Variants in PPP2R2B observed in about 807,000 individuals in gnomAD.
The protein encoded by PPP2R2B is serine/threonine-protein phosphatase 2A 55 kDa regulatory subunit B beta isoform.
PPP2R2B carries 5 observed loss-of-function variants against 46.0 expected under a neutral mutation model. The observed-to-expected ratio is 0.11, with a 90% CI of 0.06 to 0.23. The LOEUF (loss-of-function observed/expected upper bound fraction) is 0.23. Ranked by LOEUF, PPP2R2B falls within the 10% of genes least tolerant of loss-of-function variation. PPP2R2B has a pLI of 1.00. For synonymous variants in PPP2R2B, 215 were observed against 206.7 expected, an observed-to-expected ratio of 1.04 and a Z score of -0.34; for missense variants, 367 against 575.0, an observed-to-expected ratio of 0.64 and a Z score of 3.70.
At chr5:146,592,323 A>G (rs1056191598) in intron 9 of PPP2R2B, 4 of 217,274 alleles carry the variant, frequency 1.8e-5, no homozygotes, top group East Asian at 1.4e-4. Context: ...CAGAATTTCT[A>G]TGCTTTCAAA....
At chr5:146,617,659 C>T (rs770760927) in intron 7 of PPP2R2B, among the ~76,000 whole-genome samples, 4 of 151,534 alleles carry the variant, frequency 2.6e-5, no homozygotes, top group Admixed American at 6.6e-5. Context: ...TTCTTATCTA[C>T]CATGGCTGGG....
At chr5:146,684,031 A>T (rs1043584137) in intron 5 of PPP2R2B, among the ~76,000 whole-genome samples, 2 of 152,206 alleles carry the variant, frequency 1.3e-5, no homozygotes, top group African/African-American at 2.4e-5. Flanking sequence ...ACACATTCAC[A>T]AAGTTAATCT....
At chr5:146,593,920 C>G (rs970193430) in intron 8 of PPP2R2B, among the ~76,000 whole-genome samples, 2 of 152,146 alleles carry the variant, frequency 1.3e-5, no homozygotes, top group Non-Finnish European at 2.9e-5. Context: ...CAGTTATAAC[C>G]TGAGTGATAG....
chr5:146,845,300 C>CCTT (rs1253373328), intron 2 of PPP2R2B, among the ~76,000 whole-genome samples: 1 of 6,028 alleles, frequency 1.7e-4, no homozygotes, highest in African/African-American at 8.3e-4. Flanking sequence ...TTTTCTTTTC[C>CCTT]TTTTCTTTTT....
chr5:147,003,232 CT>C (rs1257618692), intron 1 of PPP2R2B, among the ~76,000 whole-genome samples: 1 of 152,096 alleles, frequency 6.6e-6, no homozygotes, highest in Non-Finnish European at 1.5e-5. Flanking sequence ...TATAACTCCC[CT>C]TCCTATTAAT....
At chr5:146,857,630 G>T (rs1335386055) in intron 2 of PPP2R2B, among the ~76,000 whole-genome samples, 2 of 151,794 alleles carry the variant, frequency 1.3e-5, no homozygotes, top group Non-Finnish European at 2.9e-5. Flanking sequence ...CCTCTGTTTT[G>T]TAATCAAAAC....
rs546814212 is a variant in PPP2R2B, at chr5:147,023,974, G to T, written c.79+31691C>A. Among the ~76,000 whole-genome samples, 565 of 152,324 alleles carry T rather than the reference G, an allele frequency of 3.7e-3. 2 individuals carry two copies. Among genetic ancestry groups the T allele is most frequent in the Non-Finnish European group, 6.3e-3 (430 of 68,020 alleles). On this transcript the variant is annotated intron_variant, in intron 1 of 8. Transcript: ENST00000336640. ...CACCAATGCCCCACAGGCCCCTCCA[G>T]TTCTCAGGTCCTGCACCTGGGGCTC... is the stretch of plus-strand genomic sequence containing the variant.
At chr5:146,638,222 C>T in intron 7 of PPP2R2B, 29 bp downstream of exon 7, 1 of 1,598,774 alleles carries the variant, frequency 6.3e-7, no homozygotes, top group East Asian at 2.3e-5. Flanking sequence ...AGTGGCCATG[C>T]CCCCCACCTC....
At chr5:146,938,078 CA>C (rs1291103685) in intron 1 of PPP2R2B, among the ~76,000 whole-genome samples, 1 of 151,984 alleles carries the variant, frequency 6.6e-6, no homozygotes, top group Admixed American at 6.6e-5. Flanking sequence ...TTTACTGGGC[CA>C]AAACGTAAAA....
At chr5:147,070,028 A>G (rs532139456) in intron 2 of PPP2R2B, among the ~76,000 whole-genome samples, 2 of 151,934 alleles carry the variant, frequency 1.3e-5, no homozygotes, top group Non-Finnish European at 2.9e-5. Flanking sequence ...TGACCTCGTG[A>G]TCTGCCTGCC....
At chr5:147,052,585 G>A (rs1430895677) in intron 1 of PPP2R2B, among the ~76,000 whole-genome samples, 1 of 152,174 alleles carries the variant, frequency 6.6e-6, no homozygotes, top group Non-Finnish European at 1.5e-5. Flanking sequence ...AGGCAATGGG[G>A]CAGAAGGAAA....
At position 146,798,064 on chromosome 5, in the gene PPP2R2B, TCTC is replaced by T. The variant is rs534476302; in HGVS notation, c.70+79935_70+79937del. 3.2e-4 allele frequency among the ~76,000 whole-genome samples: 48 copies of T among 152,284 alleles called. 1 individual carries two copies. The South Asian group carries it at 5.4e-3, about 17-fold the overall frequency. ...AGACAGGCATTTGTCTTATTTTTAG[TCTC>T]CTCCTCAGGAGCTTTCCATTTTTAT... On this transcript the variant is annotated intron_variant, in intron 2 of 9. Transcript: ENST00000394411.
At chr5:147,017,878 A>G (rs879831765) in intron 1 of PPP2R2B, among the ~76,000 whole-genome samples, 1 of 152,154 alleles carries the variant, frequency 6.6e-6, no homozygotes, top group Non-Finnish European at 1.5e-5. Flanking sequence ...TATCCTAACA[A>G]AATTAAGGAT....
intron 1 of PPP2R2B, among the ~76,000 whole-genome samples, chr5:147,055,357 A>G (rs147978901): frequency 9.5e-4 from 145 of 152,360 alleles, no homozygotes; most frequent in African/African-American, 3.2e-3. Context: ...CACTGGTTCC[A>G]ATGACTTGTT....
intron 1 of PPP2R2B, among the ~76,000 whole-genome samples, chr5:147,051,753 CTTTTTTTTTTTT>C (rs60522229): frequency 1.4e-4 from 13 of 92,376 alleles, no homozygotes; most frequent in East Asian, 4.1e-4. Context: ...GTTTTGCTTC[CTTTTTTTTTTTT>C]TTTTTTTTTT....
intron 2 of PPP2R2B, among the ~76,000 whole-genome samples, chr5:146,803,294 A>G (rs1446663396): frequency 6.6e-6 from 1 of 152,190 alleles, no homozygotes; most frequent in Non-Finnish European, 1.5e-5. Context: ...AGAACTATGT[A>G]AGCCCCAGCA....
chr5:146,680,924 AC>A (rs1023395793), intron 5 of PPP2R2B, among the ~76,000 whole-genome samples: 4 of 152,088 alleles, frequency 2.6e-5, no homozygotes, highest in African/African-American at 9.7e-5. Flanking sequence ...ACATGAAACC[AC>A]CCTTGTAAGT....
chr5:146,671,269 T>C (rs185941963), intron 5 of PPP2R2B, among the ~76,000 whole-genome samples: 1 of 152,334 alleles, frequency 6.6e-6, no homozygotes, highest in East Asian at 1.9e-4. Flanking sequence ...ATAGAAAATG[T>C]ACTGTGTCAG....
intron 1 of PPP2R2B, among the ~76,000 whole-genome samples, chr5:146,990,178 T>C (rs1183914525): frequency 6.6e-6 from 1 of 151,720 alleles, no homozygotes; most frequent in Non-Finnish European, 1.5e-5. Context: ...TCAAATTCAG[T>C]GCAATTTCTG....
Sources: gnomAD v4.1 joint callset for allele counts (sites outside exome capture counted in the v4.1 genomes callset) on GRCh38, gnomAD v4.1.1 for gene constraint, MANE v1.5 for transcripts, NCBI Gene and HGNC (gene_info 2026-07-23, HGNC 2026-07-21) for gene names.